GSE1: variants seen among roughly 807,000 people sequenced by gnomAD.
GSE1 encodes Gse1 coiled-coil protein.
A neutral mutation model predicts 112.6 loss-of-function variants in GSE1; 32 were observed. That is an observed-to-expected ratio of 0.28 (90% CI 0.21 to 0.38). The LOEUF (loss-of-function observed/expected upper bound fraction) is 0.38, where lower values mean the gene tolerates loss of function less well. Ranked by LOEUF, GSE1 falls within the 10% of genes least tolerant of loss-of-function variation. The pLI is 1.00. For synonymous variants in GSE1, 1,115 were observed against 735.6 expected (o/e 1.52, Z -8.35); for missense variants, 2,348 against 1,699.2 (o/e 1.38, Z -6.71).
At chr16:85,523,657 C>T (rs538451819) in intron 2 of GSE1, among the ~76,000 whole-genome samples, 153 of 152,344 alleles carry the variant, frequency 1.0e-3, no homozygotes, top group Admixed American at 2.0e-3. Context: ...GGTCCCTCCT[C>T]GTGCCTGCCT....
At chr16:85,546,672 G>A (rs1161466947) in intron 2 of GSE1, among the ~76,000 whole-genome samples, 8 of 152,174 alleles carry the variant, frequency 5.3e-5, no homozygotes, top group East Asian at 3.8e-4. Context: ...CAGCTCTTCC[G>A]GGCCAGGCCT....
At chr16:85,618,359 G>T (rs2048512419) in intron 1 of GSE1, among the ~76,000 whole-genome samples, 1 of 152,202 alleles carries the variant, frequency 6.6e-6, no homozygotes, top group Non-Finnish European at 1.5e-5. Flanking sequence ...CCCGCCACAT[G>T]CCCCTGACGG....
intron 1 of GSE1, among the ~76,000 whole-genome samples, chr16:85,263,377 G>GT (rs1457389794): frequency 6.6e-6 from 1 of 152,184 alleles, no homozygotes; most frequent in African/African-American, 2.4e-5. Flanking sequence ...GCTGCTGGCA[G>GT]TACTGGGAGT....
At chr16:85,340,444 A>T (rs7190292) in intron 1 of GSE1, among the ~76,000 whole-genome samples, 3,739 of 152,312 alleles carry the variant, frequency 0.025, 144 homozygotes, top group African/African-American at 0.085. Context: ...GTTCGAAACC[A>T]GCCTGGCCAA....
At chr16:85,576,611 C>T (rs2046237965) in intron 1 of GSE1, among the ~76,000 whole-genome samples, 1 of 152,194 alleles carries the variant, frequency 6.6e-6, no homozygotes, top group South Asian at 2.1e-4. Context: ...CCTAACTAAG[C>T]CCTGCCAAGA....
rs535031191 is a variant in GSE1 at position 85,299,821 on chromosome 16, A to G, written c.2284-57642A>G. Among the ~76,000 whole-genome samples, 17 of 151,928 alleles carry G rather than the reference A, an allele frequency of 1.1e-4. No homozygotes were observed. The East Asian group carries it at 3.3e-3, about 30-fold the overall frequency. On this transcript the variant is annotated intron_variant, in intron 1 of 2. Coordinates refer to the GSE1 transcript ENST00000637419. ...CAAGTGTGGTGGCATACATAATCAC[A>G]GCTAATCAGGAGGCAGAGGCAGGAG...
At chr16:85,590,905 G>C (rs1395333252) in intron 1 of GSE1, among the ~76,000 whole-genome samples, 1 of 152,190 alleles carries the variant, frequency 6.6e-6, no homozygotes, top group African/African-American at 2.4e-5. Context: ...CTGGGATGAA[G>C]CTTGGGCCGC....
intron 2 of GSE1, among the ~76,000 whole-genome samples, chr16:85,402,978 T>C (rs1471033868): frequency 6.6e-6 from 1 of 151,570 alleles, no homozygotes; most frequent in Non-Finnish European, 1.5e-5. Flanking sequence ...TCCCACAGCA[T>C]GTGCGGGTCA....
chr16:85,472,678 T>C (rs559539994), intron 2 of GSE1, among the ~76,000 whole-genome samples: 1 of 152,230 alleles, frequency 6.6e-6, no homozygotes. Context: ...GCCCCAGGCC[T>C]TGCTCAGTCT....
At chr16:85,339,028 T>A (rs2046565358) in intron 1 of GSE1, among the ~76,000 whole-genome samples, 1 of 152,132 alleles carries the variant, frequency 6.6e-6, no homozygotes, top group Non-Finnish European at 1.5e-5. Flanking sequence ...CTGGGCATGT[T>A]ACCACCCCCC....
rs201914300 is a variant in GSE1, at chr16:85,654,911, C to T, written c.717C>T (p.Leu239=). Residue 239 remains leucine, a synonymous_variant, in exon 5 of 16, where the codon CTC becomes CTT. Transcript: ENST00000253458. ...DDLRMSSLPP[L]GLDPATAAAY... ...TCCGCATGTCCTCACTGCCTCCCCTCGGCCTGGACCCGGCCACTGCTGCAG... is the reference window on the plus strand; with the variant it reads ...TCCGCATGTCCTCACTGCCTCCCCTTGGCCTGGACCCGGCCACTGCTGCAG... 2.7e-4 allele frequency: 431 copies of T among 1,611,494 alleles called. 1 individual carries two copies. The highest frequency in any genetic ancestry group is 3.3e-4 in the Non-Finnish European group (385 of 1,179,516).
intron 1 of GSE1, among the ~76,000 whole-genome samples, chr16:85,620,949 C>G (rs888540803): frequency 2.6e-5 from 4 of 151,632 alleles, no homozygotes; most frequent in Middle Eastern, 3.4e-3. Context: ...CCATGGGTGT[C>G]TGCTGTGTTG....
intron 1 of GSE1, among the ~76,000 whole-genome samples, chr16:85,603,676 T>G (rs2047565030): frequency 6.6e-6 from 1 of 152,088 alleles, no homozygotes; most frequent in Non-Finnish European, 1.5e-5. Flanking sequence ...TATTTTTTTA[T>G]TATTATTTTT....
At chr16:85,315,934 G>GT (rs1184711879) in intron 1 of GSE1, among the ~76,000 whole-genome samples, 1 of 152,170 alleles carries the variant, frequency 6.6e-6, no homozygotes, top group African/African-American at 2.4e-5. Flanking sequence ...GTGGGAGGGG[G>GT]GGTGAAGGTG....
Position 85,486,505 on chromosome 16 carries a change from C to T in GSE1, c.2464+128862C>T, listed in dbSNP as rs1008920923. ...CTAAGTGGCACTAGGTGGCTCCGTTCGGGGGTGGCATGTCTCCTGTCTTAG... is the reference window on the plus strand; with the variant it reads ...CTAAGTGGCACTAGGTGGCTCCGTTTGGGGGTGGCATGTCTCCTGTCTTAG... On this transcript the variant is annotated intron_variant, in intron 2 of 2. Transcript: ENST00000637419. 2.6e-5 allele frequency among the ~76,000 whole-genome samples: 4 copies of T among 152,208 alleles called. No individual in the cohort carries two copies. In the East Asian group the frequency reaches 5.8e-4, roughly 22 times the overall value.
chr16:85,670,983 C>T lies in GSE1; in HGVS notation c.3416-12C>T. ...CATACGGAAAATACATCACCATCTC[C>T]TGTCTTTTCAGAGCAAAATCTGGAG... On this transcript the variant is annotated splice_polypyrimidine_tract_variant and intron_variant, in intron 14 of 15. Coordinates refer to ENST00000253458, the MANE Select transcript of GSE1 (RefSeq NM_014615.5). 1 of 1,555,364 alleles carries T rather than the reference C, an allele frequency of 6.4e-7. No individual in the cohort carries two copies. Among genetic ancestry groups the T allele is most frequent in the Non-Finnish European group, 8.9e-7 (1 of 1,126,998 alleles).
At chr16:85,426,492 A>G (rs1283842129) in intron 2 of GSE1, among the ~76,000 whole-genome samples, 1 of 93,100 alleles carries the variant, frequency 1.1e-5, no homozygotes, top group South Asian at 4.8e-4. Context: ...GTAGATGTGT[A>G]TATGGATGGA....
intron 2 of GSE1, among the ~76,000 whole-genome samples, chr16:85,413,115 C>T (rs1297370076): frequency 6.6e-6 from 1 of 152,200 alleles, no homozygotes; most frequent in African/African-American, 2.4e-5. Flanking sequence ...CCAGGCCGAG[C>T]GCCCTTTTCC....
chr16:85,413,199 C>G (rs560998712), intron 2 of GSE1, among the ~76,000 whole-genome samples: 1 of 152,188 alleles, frequency 6.6e-6, no homozygotes, highest in Non-Finnish European at 1.5e-5. Context: ...GGGCAGCGGC[C>G]GCTGTGAGTG....
Sources: allele counts gnomAD v4.1 joint callset (sites outside exome capture counted in the v4.1 genomes callset), GRCh38; gene constraint gnomAD v4.1.1; transcripts MANE v1.5; gene names NCBI Gene and HGNC (gene_info 2026-07-23, HGNC 2026-07-21).